The following LRRC4C variants were observed in gnomAD, a reference collection of about 807,000 sequenced individuals.
LRRC4C encodes the protein leucine-rich repeat-containing protein 4C.
In LRRC4C, 5 loss-of-function variants were observed where a neutral mutation model predicts 33.6. The ratio of observed to expected loss-of-function variants is 0.15; its 90% CI spans 0.08 to 0.31. LRRC4C has a LOEUF of 0.31. Among genes scored for constraint, LRRC4C ranks in the 10% least tolerant of loss-of-function variants. LRRC4C has a pLI of 1.00. For missense variants in LRRC4C, 560 were observed against 796.7 expected, an observed-to-expected ratio of 0.70 and a Z score of 3.58; for synonymous variants, 329 against 302.0, an observed-to-expected ratio of 1.09 and a Z score of -0.93.
At chr11:40,419,109 C>A (rs773385213) in intron 3 of LRRC4C, among the ~76,000 whole-genome samples, 1 of 151,906 alleles carries the variant, frequency 6.6e-6, no homozygotes, top group Non-Finnish European at 1.5e-5. Flanking sequence ...GCACATCCTG[C>A]ACTTGTACCC....
At position 41,367,334 on chromosome 11, in the gene LRRC4C, CA is replaced by C. The variant is rs1184394936; in HGVS notation, c.-496+92096del. Among the ~76,000 whole-genome samples, 5 of 152,144 alleles carry C rather than the reference CA, an allele frequency of 3.3e-5. No homozygotes were observed. In the East Asian group the frequency reaches 9.7e-4, roughly 29 times the overall value. On this transcript the variant is annotated intron_variant, in intron 1 of 6. Coordinates refer to ENST00000528697, the MANE Select transcript of LRRC4C (RefSeq NM_001258419.2). ...TATTTCCTGGGACATGTTTAAAACA[CA>C]GTAATCTCACGGCCTTCTTCTAACA...
chr11:40,707,195 C>G (rs1235197656), intron 2 of LRRC4C, among the ~76,000 whole-genome samples: 1 of 152,104 alleles, frequency 6.6e-6, no homozygotes, highest in East Asian at 1.9e-4. Context: ...AATTGAATAT[C>G]CTTTATTTCT....
chr11:40,720,495 G>C (rs923935400), intron 2 of LRRC4C, among the ~76,000 whole-genome samples: 1 of 152,100 alleles, frequency 6.6e-6, no homozygotes, highest in Non-Finnish European at 1.5e-5. Flanking sequence ...GTTCAAAAAC[G>C]ATAGTTAGCA....
At chr11:41,229,155 C>A (rs917387161) in intron 1 of LRRC4C, among the ~76,000 whole-genome samples, 1 of 151,982 alleles carries the variant, frequency 6.6e-6, no homozygotes, top group Non-Finnish European at 1.5e-5. Flanking sequence ...TGTTGAAGGC[C>A]TAACCTCTTA....
At chr11:41,435,763 T>G (rs1385022915) in intron 1 of LRRC4C, among the ~76,000 whole-genome samples, 1 of 152,244 alleles carries the variant, frequency 6.6e-6, no homozygotes, top group Non-Finnish European at 1.5e-5. Flanking sequence ...TGCAAAGTGT[T>G]AACAGATGTT....
At chr11:40,498,097 C>T (rs1224989618) in intron 3 of LRRC4C, among the ~76,000 whole-genome samples, 1 of 152,112 alleles carries the variant, frequency 6.6e-6, no homozygotes, top group Non-Finnish European at 1.5e-5. Flanking sequence ...TATACAGTTA[C>T]TTGAGTGGTT....
intron 3 of LRRC4C, among the ~76,000 whole-genome samples, chr11:40,404,141 G>C (rs1317936669): frequency 6.6e-6 from 1 of 152,108 alleles, no homozygotes. Context: ...CTGGCATCAT[G>C]TTATTAAGTC....
At position 40,988,878 on chromosome 11, in the gene LRRC4C, G is replaced by T. The variant is rs533827726; in HGVS notation, c.-495-55155C>A. Reference sequence around the variant, plus strand: ...ACTACAGGTGCCTGCCACCACGCCCGGCTAATTCTGTTTTTGTATTTTTAG... The same window carrying T: ...ACTACAGGTGCCTGCCACCACGCCCTGCTAATTCTGTTTTTGTATTTTTAG... On this transcript the variant is annotated intron_variant, in intron 1 of 6. Transcript: ENST00000528697. Among the ~76,000 whole-genome samples the T allele has an allele frequency of 1.6e-3, 237 of 151,596 alleles. 1 individual carries two copies. The highest frequency in any genetic ancestry group is 5.4e-3 in the African/African-American group (224 of 41,326).
At chr11:40,826,090 C>A (rs1004108079) in intron 2 of LRRC4C, among the ~76,000 whole-genome samples, 2 of 151,834 alleles carry the variant, frequency 1.3e-5, no homozygotes, top group South Asian at 4.1e-4. Context: ...GGGAGACAGA[C>A]AGTTATTTTC....
At chr11:40,232,414 T>C (rs1011895353) in intron 5 of LRRC4C, among the ~76,000 whole-genome samples, 2 of 152,178 alleles carry the variant, frequency 1.3e-5, no homozygotes, top group African/African-American at 2.4e-5. Flanking sequence ...TTTCCTGTTA[T>C]GCATCAAGGC....
At chr11:41,160,491 A>G (rs1361030373) in intron 1 of LRRC4C, among the ~76,000 whole-genome samples, 1 of 152,100 alleles carries the variant, frequency 6.6e-6, no homozygotes, top group African/African-American at 2.4e-5. Context: ...AGCAATTTGA[A>G]TTTGAAAATT....
At chr11:40,984,363 AAAAG>A (rs61226519) in intron 1 of LRRC4C, among the ~76,000 whole-genome samples, 13,066 of 119,934 alleles carry the variant, frequency 0.11, 710 homozygotes, top group South Asian at 0.16. Flanking sequence ...AAAGAAAGAA[AAAAG>A]AAAGAAAGAA....
intron 1 of LRRC4C, among the ~76,000 whole-genome samples, chr11:41,157,822 C>G (rs1420614481): frequency 1.3e-5 from 2 of 151,962 alleles, no homozygotes; most frequent in African/African-American, 4.8e-5. Context: ...TGCTTTCATA[C>G]AGGCATACGA....
At chr11:41,227,808 A>G (rs1217991678) in intron 1 of LRRC4C, among the ~76,000 whole-genome samples, 4 of 152,154 alleles carry the variant, frequency 2.6e-5, no homozygotes, top group Admixed American at 6.6e-5. Context: ...TATCCTTTAC[A>G]TTCCAAAGTT....
intron 1 of LRRC4C, among the ~76,000 whole-genome samples, chr11:41,305,013 T>C (rs1204401026): frequency 3.1e-5 from 2 of 64,186 alleles, no homozygotes; most frequent in African/African-American, 5.7e-5. Flanking sequence ...GGAGCCCCTC[T>C]GCCCGGCCAG....
intron 3 of LRRC4C, among the ~76,000 whole-genome samples, chr11:40,497,902 T>C (rs1954550203): frequency 6.6e-6 from 1 of 152,112 alleles, no homozygotes; most frequent in Non-Finnish European, 1.5e-5. Context: ...CTAAAAAATC[T>C]CTAAAAAATA....
At chr11:40,986,550 T>C (rs904853413) in intron 1 of LRRC4C, among the ~76,000 whole-genome samples, 5 of 151,848 alleles carry the variant, frequency 3.3e-5, no homozygotes, top group Non-Finnish European at 5.9e-5. Flanking sequence ...CATGATTACA[T>C]CACTGCACTC....
At chr11:40,385,798 T>G (rs1441038888) in intron 3 of LRRC4C, among the ~76,000 whole-genome samples, 1 of 151,170 alleles carries the variant, frequency 6.6e-6, no homozygotes, top group East Asian at 1.9e-4. Flanking sequence ...ACACGGAAGG[T>G]GGAGGTTTCA....
At chr11:40,827,244 T>G (rs1419897474) in intron 2 of LRRC4C, among the ~76,000 whole-genome samples, 1 of 151,882 alleles carries the variant, frequency 6.6e-6, no homozygotes, top group African/African-American at 2.4e-5. Flanking sequence ...TATAAATGCA[T>G]CTTATTTTTC....
Sources: gnomAD v4.1 joint callset for allele counts (sites outside exome capture counted in the v4.1 genomes callset) on GRCh38, gnomAD v4.1.1 for gene constraint, MANE v1.5 for transcripts, NCBI Gene and HGNC (gene_info 2026-07-23, HGNC 2026-07-21) for gene names.